The following CSGALNACT1 variants were observed in gnomAD, a reference collection of about 807,000 sequenced individuals.
CSGALNACT1 encodes the protein beta4GalNAcT-1.
CSGALNACT1 carries 52 observed loss-of-function variants against 51.0 expected under a neutral mutation model. The observed-to-expected ratio is 1.02, with a 90% confidence interval of 0.82 to 1.29. The LOEUF (loss-of-function observed/expected upper bound fraction) is 1.29. Ranked by LOEUF, CSGALNACT1 falls within the 50% of genes most tolerant of loss-of-function variation. The pLI is 0.00. For missense variants in CSGALNACT1, 935 were observed against 679.2 expected, an observed-to-expected ratio of 1.38 and a Z score of -4.19; for synonymous variants, 341 against 254.4, an observed-to-expected ratio of 1.34 and a Z score of -3.24.
chr8:19,713,437 C>T (rs1428305068), intron 1 of CSGALNACT1, among the ~76,000 whole-genome samples: 2 of 152,066 alleles, frequency 1.3e-5, no homozygotes, highest in Non-Finnish European at 2.9e-5. Context: ...TGTGTCCCCA[C>T]TAAAAAAGAT....
At chr8:19,408,760 C>T in intron 8 of CSGALNACT1, 66 bp from the exon 8 acceptor site, 1 of 1,381,358 alleles carries the variant, frequency 7.2e-7, no homozygotes, top group Non-Finnish European at 1.0e-6. Flanking sequence ...TGTTCACAAA[C>T]TCCTGTGAGC....
At position 19,560,606 on chromosome 8, in the gene CSGALNACT1, C is replaced by A. The variant is rs193098042; in HGVS notation, c.-297+30554G>T. ...ACACAAGGGGAAATCCGTGTGACCACAAACAGGAAAAAGGAATCAACCTTA... is the reference window on the plus strand; with the variant it reads ...ACACAAGGGGAAATCCGTGTGACCAAAAACAGGAAAAAGGAATCAACCTTA... On this transcript the variant is annotated intron_variant, in intron 3 of 9. Transcript: ENST00000454498. 4.4e-3 allele frequency among the ~76,000 whole-genome samples: 672 copies of A among 152,172 alleles called. 4 individuals carry two copies. Among genetic ancestry groups the A allele is most frequent in the African/African-American group, 0.015 (628 of 41,516 alleles).
chr8:19,434,655 G>A (rs2060113256), intron 6 of CSGALNACT1, among the ~76,000 whole-genome samples: 2 of 152,180 alleles, frequency 1.3e-5, no homozygotes, highest in African/African-American at 4.8e-5. Flanking sequence ...ATCACGCTTA[G>A]CAAAGCCTCT....
chr8:19,641,324 G>A (rs1462544947), intron 1 of CSGALNACT1, among the ~76,000 whole-genome samples: 2 of 151,832 alleles, frequency 1.3e-5, no homozygotes, highest in Non-Finnish European at 2.9e-5. Flanking sequence ...GAAGTTAGTT[G>A]GATAATAAAC....
chr8:19,409,367 G>A (rs1037493604), intron 8 of CSGALNACT1, among the ~76,000 whole-genome samples: 4 of 152,120 alleles, frequency 2.6e-5, no homozygotes, highest in Non-Finnish European at 4.4e-5. Context: ...AGCATCTACC[G>A]TGGTGCCAGC....
intron 3 of CSGALNACT1, among the ~76,000 whole-genome samples, chr8:19,534,464 T>C (rs80029311): frequency 6.6e-6 from 1 of 151,430 alleles, no homozygotes; most frequent in South Asian, 2.1e-4. Flanking sequence ...AAAAAAAAAA[T>C]CTGTGTAAGA....
chr8:19,567,397 G>C (rs1230301742), intron 3 of CSGALNACT1, among the ~76,000 whole-genome samples: 1 of 152,190 alleles, frequency 6.6e-6, no homozygotes, highest in Admixed American at 6.5e-5. Context: ...AGTCAGGACT[G>C]CCATTTTCCA....
chr8:19,637,274 T>TG (rs1199848783), intron 1 of CSGALNACT1, among the ~76,000 whole-genome samples: 1 of 152,198 alleles, frequency 6.6e-6, no homozygotes, highest in African/African-American at 2.4e-5. Flanking sequence ...CTTTTCTAGT[T>TG]GGTAGGGAAT....
chr8:19,513,436 C>CTCTCTCTCTCTCTATA, intron 3 of CSGALNACT1, among the ~76,000 whole-genome samples: 91 of 81,960 alleles, frequency 1.1e-3, no homozygotes, highest in Non-Finnish European at 1.5e-3. Context: ...CTCTCTCTCT[C>CTCTCTCTCTCTCTATA]TATATATATA....
chr8:19,756,213 T>G (rs936657781), intron 1 of CSGALNACT1, among the ~76,000 whole-genome samples: 1 of 152,046 alleles, frequency 6.6e-6, no homozygotes, highest in African/African-American at 2.4e-5. Context: ...GAATTAAATT[T>G]AAATTTCCAG....
intron 4 of CSGALNACT1, among the ~76,000 whole-genome samples, chr8:19,486,971 A>G (rs568392271): frequency 6.6e-6 from 1 of 152,216 alleles, no homozygotes; most frequent in Non-Finnish European, 1.5e-5. Flanking sequence ...GTCAATGGAT[A>G]GCAGGATTTA....
At chr8:19,641,128 CTTT>C (rs56681695) in intron 1 of CSGALNACT1, among the ~76,000 whole-genome samples, 65 of 99,986 alleles carry the variant, frequency 6.5e-4, no homozygotes, top group East Asian at 2.9e-3. Flanking sequence ...GGTGACTGGT[CTTT>C]TTTTTTTTTT....
chr8:19,635,037 G>C lies in CSGALNACT1; in HGVS notation c.-543-33172C>G, dbSNP rs193065718. 2.6e-3 allele frequency among the ~76,000 whole-genome samples: 390 copies of C among 152,338 alleles called. 3 individuals carry two copies. Among genetic ancestry groups the C allele is most frequent in the African/African-American group, 9.0e-3 (374 of 41,580 alleles). ...TAAATGTTTTAAGTAAATGTTGTACGTTTTAAGTACAGCAAATTTCTAAAT... is the reference window on the plus strand; with the variant it reads ...TAAATGTTTTAAGTAAATGTTGTACCTTTTAAGTACAGCAAATTTCTAAAT... On this transcript the variant is annotated intron_variant, in intron 1 of 9. Coordinates refer to the CSGALNACT1 transcript ENST00000332246.
chr8:19,567,217 G>C (rs2042073145), intron 3 of CSGALNACT1, among the ~76,000 whole-genome samples: 1 of 152,162 alleles, frequency 6.6e-6, no homozygotes, highest in African/African-American at 2.4e-5. Context: ...CTGATCATGA[G>C]CCAGTACTTG....
At position 19,713,398 on chromosome 8, in the gene CSGALNACT1, G is replaced by A. The variant is rs146309977; in HGVS notation, c.-297+44452C>T. Among the ~76,000 whole-genome samples the A allele has an allele frequency of 6.8e-3, 1,034 of 152,290 alleles. 13 individuals carry two copies. Among genetic ancestry groups the A allele is most frequent in the African/African-American group, 0.024 (985 of 41,572 alleles). On this transcript the variant is annotated intron_variant, in intron 1 of 1. Transcript: ENST00000517494. ...AGAAGAAAATTGTATAAAGAGGGAT[G>A]AAGACTTAGTAAGTGTTATGCGTTG... is the stretch of plus-strand genomic sequence containing the variant.
chr8:19,582,801 T>C (rs529528654), intron 3 of CSGALNACT1, among the ~76,000 whole-genome samples: 56 of 152,304 alleles, frequency 3.7e-4, no homozygotes, highest in African/African-American at 1.3e-3. Flanking sequence ...CCCCTGTGTA[T>C]GTATATAAGC....
intron 1 of CSGALNACT1, among the ~76,000 whole-genome samples, chr8:19,708,323 C>CTG (rs2062301429): frequency 6.6e-6 from 1 of 152,168 alleles, no homozygotes; most frequent in South Asian, 2.1e-4. Context: ...CTGGGATGCC[C>CTG]ATCAGCGTGA....
rs540780258 is a variant in CSGALNACT1, at chr8:19,618,131, ACCCCC to A, written c.-543-16271_-543-16267del. ...TGGCCTCAAGTGGTCCTTCTGCCTC[ACCCCC>A]CCGACAAAGCACTGTGATTACAGAC... On this transcript the variant is annotated intron_variant, in intron 1 of 9. Transcript: ENST00000332246. Among the ~76,000 whole-genome samples the A allele has an allele frequency of 2.0e-5, 3 of 150,044 alleles. No individual in the cohort carries two copies. In the East Asian group the frequency reaches 5.8e-4, roughly 29 times the overall value.
At chr8:19,561,111 G>C (rs544041090) in intron 3 of CSGALNACT1, among the ~76,000 whole-genome samples, 2 of 152,244 alleles carry the variant, frequency 1.3e-5, no homozygotes, top group South Asian at 4.1e-4. Flanking sequence ...AGAGTGGTGA[G>C]ATTTTTTTAA....
Sources: gnomAD v4.1 joint callset for allele counts (sites outside exome capture counted in the v4.1 genomes callset) on GRCh38, gnomAD v4.1.1 for gene constraint, MANE v1.5 for transcripts, NCBI Gene and HGNC (gene_info 2026-07-23, HGNC 2026-07-21) for gene names.